The following DNAH5 variants were observed in gnomAD, a reference collection of about 807,000 sequenced individuals.
DNAH5 encodes axonemal beta dynein heavy chain 5.
DNAH5 carries 372 observed loss-of-function variants against 518.2 expected under a neutral mutation model. That is an observed-to-expected ratio of 0.72 (90% CI 0.66 to 0.78). DNAH5 has a LOEUF of 0.78. Ranked by LOEUF, DNAH5 falls within the 30% of genes least tolerant of loss-of-function variation. The pLI is 0.00. For missense variants in DNAH5, 5,523 were observed against 5,687.0 expected, an observed-to-expected ratio of 0.97 and a Z score of 0.93; for synonymous variants, 2,039 against 2,025.9, an observed-to-expected ratio of 1.01 and a Z score of -0.17.
chr5:13,786,652 A>G (rs541544924), intron 51 of DNAH5, among the ~76,000 whole-genome samples: 4 of 152,312 alleles, frequency 2.6e-5, no homozygotes, highest in African/African-American at 9.6e-5. Context: ...TCCCAGATAT[A>G]TTAGCTTAAT....
chr5:13,696,204 C>A (rs2126370124), intron 78 of DNAH5, among the ~76,000 whole-genome samples: 1 of 152,326 alleles, frequency 6.6e-6, no homozygotes, highest in Admixed American at 6.5e-5. Flanking sequence ...TCGTCCCTCG[C>A]AAATGTTCCA....
chr5:13,927,236 T>A (rs1777970739), intron 3 of DNAH5, among the ~76,000 whole-genome samples: 1 of 152,164 alleles, frequency 6.6e-6, no homozygotes, highest in South Asian at 2.1e-4. Flanking sequence ...GGCTCACGCC[T>A]ATATCCCAGC....
At chr5:13,720,861 TAAA>T in intron 71 of DNAH5, 136 bp downstream of exon 71, 1 of 1,088,466 alleles carries the variant, frequency 9.2e-7, no homozygotes. Flanking sequence ...AGCTTAAATT[TAAA>T]AAAAAAACGC....
At chr5:13,696,672 C>T (rs1051839767) in intron 78 of DNAH5, among the ~76,000 whole-genome samples, 8 of 152,010 alleles carry the variant, frequency 5.3e-5, no homozygotes, top group African/African-American at 1.7e-4. Context: ...GAGCCCTGCT[C>T]AATTATCAAA....
chr5:14,009,888 T>A (rs576308110), intron 1 of DNAH5, among the ~76,000 whole-genome samples: 1 of 152,308 alleles, frequency 6.6e-6, no homozygotes, highest in South Asian at 2.1e-4. Flanking sequence ...TGTGCAAACA[T>A]TTTTGAGGTC....
intron 55 of DNAH5, among the ~76,000 whole-genome samples, chr5:13,775,665 G>A (rs933631548): frequency 5.9e-5 from 9 of 152,060 alleles, no homozygotes; most frequent in Non-Finnish European, 1.3e-4. Context: ...GGGTTAATCA[G>A]TCATTCTCAG....
chr5:13,826,654 G>A (rs567013508), intron 38 of DNAH5, among the ~76,000 whole-genome samples: 7 of 152,318 alleles, frequency 4.6e-5, no homozygotes, highest in African/African-American at 1.7e-4. Flanking sequence ...ATGCTGAAGT[G>A]TGATTCAATT....
At chr5:13,756,389 G>C (rs1392507772) in intron 61 of DNAH5, among the ~76,000 whole-genome samples, 1 of 152,136 alleles carries the variant, frequency 6.6e-6, no homozygotes, top group East Asian at 1.9e-4. Context: ...AAGTTTTAGA[G>C]TTAGAGCCAT....
intron 50 of DNAH5, among the ~76,000 whole-genome samples, chr5:13,789,130 G>GA (rs980522608): frequency 1.3e-4 from 20 of 152,164 alleles, no homozygotes; most frequent in African/African-American, 4.6e-4. Context: ...GAAGTAAGAA[G>GA]AAAAAATCCT....
intron 40 of DNAH5, among the ~76,000 whole-genome samples, chr5:13,823,034 C>T (rs1020484097): frequency 4.6e-5 from 7 of 152,348 alleles, no homozygotes; most frequent in Middle Eastern, 3.4e-3. Context: ...AATAGGGCTA[C>T]TCGCACATGA....
At chr5:13,916,208 T>G in intron 9 of DNAH5, 140 bp downstream of exon 9, 1 of 348,484 alleles carries the variant, frequency 2.9e-6, no homozygotes, top group Non-Finnish European at 5.3e-6. Flanking sequence ...TAATTCTATC[T>G]CTATTGATAG....
intron 30 of DNAH5, among the ~76,000 whole-genome samples, chr5:13,854,622 C>A (rs1433147212): frequency 1.3e-5 from 2 of 152,116 alleles, no homozygotes; most frequent in Admixed American, 6.6e-5. Flanking sequence ...TCAGGAGACC[C>A]ATCTCACGTG....
At chr5:13,731,738 A>G (rs1281748691) in intron 68 of DNAH5, among the ~76,000 whole-genome samples, 1 of 152,226 alleles carries the variant, frequency 6.6e-6, no homozygotes, top group Non-Finnish European at 1.5e-5. Context: ...GTTTTATACA[A>G]GCTATGCCAC....
chr5:13,797,841 T>C (rs1304832992), intron 47 of DNAH5, among the ~76,000 whole-genome samples: 1 of 152,160 alleles, frequency 6.6e-6, no homozygotes, highest in Non-Finnish European at 1.5e-5. Context: ...TAAGAAAATG[T>C]GGCACATATA....
intron 1 of DNAH5, among the ~76,000 whole-genome samples, chr5:13,953,702 T>C (rs1780579934): frequency 2.0e-5 from 3 of 152,292 alleles, no homozygotes; most frequent in South Asian, 2.1e-4. Flanking sequence ...GCTTCTTGTT[T>C]TGTTTTATTT....
chr5:13,709,008 CCT>C (rs775723743), intron 75 of DNAH5, among the ~76,000 whole-genome samples: 28 of 152,134 alleles, frequency 1.8e-4, no homozygotes, highest in African/African-American at 2.7e-4. Context: ...TATTTCAACC[CCT>C]GTTAGACACG....
intron 1 of DNAH5, among the ~76,000 whole-genome samples, chr5:13,975,451 C>A (rs1209334329): frequency 6.6e-6 from 1 of 152,154 alleles, no homozygotes; most frequent in African/African-American, 2.4e-5. Context: ...GCCCATAGCT[C>A]TGTGCCAGGA....
At chr5:13,755,745 G>C (rs183499226) in intron 61 of DNAH5, among the ~76,000 whole-genome samples, 1 of 152,106 alleles carries the variant, frequency 6.6e-6, no homozygotes, top group South Asian at 2.1e-4. Flanking sequence ...CAGCTGGGAA[G>C]GACAATCCTA....
intron 14 of DNAH5, 26 bp downstream of exon 14, chr5:13,901,226 G>A (rs1053612942): frequency 8.1e-6 from 13 of 1,607,098 alleles, no homozygotes; most frequent in African/African-American, 1.3e-5. Context: ...TCCAACAATG[G>A]GAAGAGTATA....
Sources: gnomAD v4.1 joint callset for allele counts (sites outside exome capture counted in the v4.1 genomes callset) on GRCh38, gnomAD v4.1.1 for gene constraint, MANE v1.5 for transcripts, NCBI Gene and HGNC (gene_info 2026-07-23, HGNC 2026-07-21) for gene names.